Variants in TOMM20L observed in about 807,000 individuals in gnomAD.
The protein encoded by TOMM20L is TOMM20-like protein 1.
TOMM20L carries 19 observed loss-of-function variants against 20.4 expected under a neutral mutation model. The observed-to-expected ratio is 0.93, with a 90% CI of 0.65 to 1.36. TOMM20L has a LOEUF of 1.36. TOMM20L is among the 40% of genes most tolerant of loss of function. The pLI is 0.00. For missense variants in TOMM20L, 218 were observed against 203.7 expected, an observed-to-expected ratio of 1.07 and a Z score of -0.43; for synonymous variants, 75 against 79.6, an observed-to-expected ratio of 0.94 and a Z score of 0.30.
At chr14:58,413,806 G>GA in the TOMM20L span, among the ~76,000 whole-genome samples, 1 of 151,710 alleles carries the variant, frequency 6.6e-6, no homozygotes. Flanking sequence ...AGGAGATCGA[G>GA]ACCATCCTGG....
At chr14:58,405,212 C>T (rs2036043106) in intron 3 of TOMM20L, among the ~76,000 whole-genome samples, 1 of 152,168 alleles carries the variant, frequency 6.6e-6, no homozygotes, top group Admixed American at 6.5e-5. Context: ...AAGTGATCCA[C>T]CCGCCTTGGC....
At chr14:58,416,184 T>C in the TOMM20L span, among the ~76,000 whole-genome samples, 1 of 151,922 alleles carries the variant, frequency 6.6e-6, no homozygotes, top group Non-Finnish European at 1.5e-5. Context: ...GCCAAGATCA[T>C]GTCAGTGCAT....
At chr14:58,407,277 G>T in intron 3 of TOMM20L, 49 bp from the exon 4 acceptor site, 1 of 1,546,332 alleles carries the variant, frequency 6.5e-7, no homozygotes, top group South Asian at 1.2e-5. Context: ...TAGAATGTCT[G>T]TTTTAAAGAA....
chr14:58,396,875 C>T (rs1356849118), intron 2 of TOMM20L, among the ~76,000 whole-genome samples: 1 of 152,314 alleles, frequency 6.6e-6, no homozygotes, highest in Non-Finnish European at 1.5e-5. Flanking sequence ...GGGCAGATCA[C>T]GTGAGGTCAG....
downstream of TOMM20L, chr14:58,410,876 T>G (rs1177407545): frequency 6.2e-7 from 1 of 1,613,104 alleles, no homozygotes; most frequent in Non-Finnish European, 8.5e-7. Flanking sequence ...TTGTGAAGTC[T>G]TTAACACAGT....
intron 3 of TOMM20L, among the ~76,000 whole-genome samples, chr14:58,406,881 T>G (rs137872413): frequency 6.6e-6 from 1 of 152,238 alleles, no homozygotes; most frequent in East Asian, 1.9e-4. Context: ...ACATCTTGTT[T>G]CAACTCTTTG....
chr14:58,397,504 C>A, intron 2 of TOMM20L, among the ~76,000 whole-genome samples: 1 of 152,140 alleles, frequency 6.6e-6, no homozygotes, highest in East Asian at 1.9e-4. Context: ...GCAGTTTTTC[C>A]GGAGAAGACT....
Position 58,408,671 on chromosome 14 carries a change from A to T in TOMM20L, c.*89A>T. On this transcript the variant is annotated 3_prime_UTR_variant, in exon 5 of 5. Transcript: ENST00000360945. Reference sequence around the variant, plus strand: ...GCTCAGTGATATTTCCATTTATTTTACTTTGAGTAATAAAAATTTTTCTAT... The same window carrying T: ...GCTCAGTGATATTTCCATTTATTTTTCTTTGAGTAATAAAAATTTTTCTAT... 2 of 1,328,696 alleles carry T rather than the reference A, an allele frequency of 1.5e-6. No homozygotes were observed. The highest frequency in any genetic ancestry group is 2.1e-6 in the Non-Finnish European group (2 of 968,284). 82.3% of individuals were successfully genotyped at this position (1,328,696 alleles called of 1,614,324 possible). A position where few individuals can be genotyped will look rare whatever the true frequency, so the allele number is the denominator to read the frequency against.
chr14:58,397,331 G>T (rs2035940413), intron 2 of TOMM20L, among the ~76,000 whole-genome samples: 1 of 152,176 alleles, frequency 6.6e-6, no homozygotes, highest in South Asian at 2.1e-4. Flanking sequence ...ATGTGAACTA[G>T]AACATGTGCC....
At chr14:58,405,219 T>A (rs987396965) in intron 3 of TOMM20L, among the ~76,000 whole-genome samples, 1 of 152,020 alleles carries the variant, frequency 6.6e-6, no homozygotes, top group African/African-American at 2.4e-5. Flanking sequence ...CCACCCGCCT[T>A]GGCCTCCCAA....
chr14:58,408,932 A>G (rs560614894), downstream of TOMM20L: 16 of 1,491,696 alleles, frequency 1.1e-5, no homozygotes, highest in Non-Finnish European at 1.4e-5. Flanking sequence ...ATGGTTGAAC[A>G]TGGTGGCTAC....
intron 2 of TOMM20L, chr14:58,398,801 A>G (rs1231818366): frequency 6.6e-6 from 1 of 152,056 alleles, no homozygotes; most frequent in Admixed American, 6.6e-5. Context: ...TATTTCCCAT[A>G]TATGAAATAA....
chr14:58,401,514 G>C (rs993554399), intron 2 of TOMM20L, among the ~76,000 whole-genome samples: 1 of 149,834 alleles, frequency 6.7e-6, no homozygotes, highest in Non-Finnish European at 1.5e-5. Context: ...AGCTTGCAGT[G>C]AGCTGAGATT....
intron 2 of TOMM20L, among the ~76,000 whole-genome samples, chr14:58,401,899 G>C (rs2035998026): frequency 6.6e-6 from 1 of 152,106 alleles, no homozygotes; most frequent in African/African-American, 2.4e-5. Context: ...AGTACAGAAG[G>C]CTTAGCATAG....
chr14:58,413,786 T>C, the TOMM20L span, among the ~76,000 whole-genome samples: 1 of 151,982 alleles, frequency 6.6e-6, no homozygotes, highest in African/African-American at 2.4e-5. Context: ...GGCGGGCAGA[T>C]TACGAGGTCA....
chr14:58,408,424 A>C, intron 4 of TOMM20L, 105 bp from the exon 5 acceptor site: 1 of 1,093,730 alleles, frequency 9.1e-7, no homozygotes, highest in Non-Finnish European at 1.3e-6. Context: ...TCTCAAAAAA[A>C]AAAAAAAAGA....
At chr14:58,404,779 A>C (rs974030684) in intron 3 of TOMM20L, among the ~76,000 whole-genome samples, 2 of 152,194 alleles carry the variant, frequency 1.3e-5, no homozygotes, top group African/African-American at 4.8e-5. Flanking sequence ...ATGCCTGCTA[A>C]ATATTAACGA....
At chr14:58,414,779 A>G in the TOMM20L span, among the ~76,000 whole-genome samples, 2 of 151,926 alleles carry the variant, frequency 1.3e-5, no homozygotes, top group African/African-American at 4.8e-5. Flanking sequence ...GAAATTCACA[A>G]TAACTACTGA....
Position 58,407,359 on chromosome 14 carries a change from A to G in TOMM20L, c.296A>G (p.Asn99Ser). 2 of 1,612,084 alleles carry G rather than the reference A, an allele frequency of 1.2e-6. No homozygotes were observed. The highest frequency in any genetic ancestry group is 1.7e-6 in the Non-Finnish European group (2 of 1,179,300). Residue 99 changes from asparagine to serine, a missense_variant, in exon 4 of 5, where the codon AAT (asparagine) becomes AGT (serine). By Grantham distance (46) the Asn-to-Ser change is conservative. Transcript: ENST00000360945. ...AGAATGGGGATTCAACACCTCGGCA[A>G]TGCCCTTTTAGTGTGCGAGCAACCA... Reference protein sequence around the residue: ...EHRMGIQHLGNALLVCEQPRE... With the variant: ...EHRMGIQHLGSALLVCEQPRE...
Sources: gnomAD v4.1 joint callset for allele counts (sites outside exome capture counted in the v4.1 genomes callset) on GRCh38, gnomAD v4.1.1 for gene constraint, MANE v1.5 for transcripts, NCBI Gene and HGNC (gene_info 2026-07-23, HGNC 2026-07-21) for gene names.